DYSF: variants seen among roughly 807,000 people sequenced by gnomAD.
The protein encoded by DYSF is dystrophy-associated fer-1-like 1.
A neutral mutation model predicts 274.9 loss-of-function variants in DYSF; 212 were observed. The observed-to-expected ratio is 0.77, with a 90% CI of 0.69 to 0.86. The LOEUF (loss-of-function observed/expected upper bound fraction) is 0.86, where lower values mean the gene tolerates loss of function less well. DYSF is among the 40% of genes least tolerant of loss of function. The probability of loss-of-function intolerance (pLI) is 0.00; values close to 1 mark genes in which losing one functional copy is unlikely to be tolerated. For missense variants in DYSF, 2,666 were observed against 2,783.2 expected (o/e 0.96, Z 0.95); for synonymous variants, 1,091 against 1,078.7 (o/e 1.01, Z -0.22).
At chr2:71,655,290 T>C (rs746075994) in intron 42 of DYSF, among the ~76,000 whole-genome samples, 7 of 152,226 alleles carry the variant, frequency 4.6e-5, no homozygotes, top group Non-Finnish European at 7.3e-5. Context: ...TTTTCTAAAT[T>C]TTAATAATGA....
rs980581241 is a variant in DYSF, at chr2:71,466,815, G to A, written c.-28G>A. 6.7e-7 allele frequency: 1 copy of A among 1,499,512 alleles called. No homozygotes were observed. The highest frequency in any genetic ancestry group is 9.0e-7 in the Non-Finnish European group (1 of 1,110,812). The allele number at this position is 1,499,512 out of a possible 1,614,324, so 92.9% of individuals were successfully genotyped here. ...GCTCCCGCTCCCGCCCTGACTGCGC[G>A]CCTGTGTGCCGCCGGGGCTGCCCAG... On this transcript the variant is annotated 5_prime_UTR_variant, in exon 1 of 56. Coordinates refer to ENST00000410020, the MANE Select transcript of DYSF (RefSeq NM_001130987.2).
intron 1 of DYSF, among the ~76,000 whole-genome samples, chr2:71,473,188 G>C (rs900803199): frequency 6.6e-6 from 1 of 152,198 alleles, no homozygotes; most frequent in African/African-American, 2.4e-5. Flanking sequence ...GGCAGGGCAG[G>C]TGTCAGAATG....
intron 1 of DYSF, among the ~76,000 whole-genome samples, chr2:71,470,673 CAAAAAA>C (rs776955310): frequency 5.2e-5 from 3 of 57,704 alleles, no homozygotes; most frequent in Non-Finnish European, 8.7e-5. Context: ...GACTCCATCT[CAAAAAA>C]AAAAAAAAAA....
intron 22 of DYSF, among the ~76,000 whole-genome samples, chr2:71,560,647 G>A (rs207461848): frequency 2.0e-5 from 3 of 152,366 alleles, no homozygotes; most frequent in African/African-American, 7.2e-5. Context: ...AGTGCGCCGA[G>A]GGCCTGCCAG....
chr2:71,545,438 C>G (rs2090389987), intron 17 of DYSF, among the ~76,000 whole-genome samples: 4 of 152,172 alleles, frequency 2.6e-5, no homozygotes, highest in Admixed American at 2.6e-4. Context: ...CCTGCCCCAG[C>G]CCCTCCCTTC....
At chr2:71,511,236 A>C (rs1259872860) in intron 4 of DYSF, among the ~76,000 whole-genome samples, 2 of 152,206 alleles carry the variant, frequency 1.3e-5, no homozygotes, top group Non-Finnish European at 2.9e-5. Flanking sequence ...GGGGGCAGGA[A>C]GGAAGAGGGC....
intron 41 of DYSF, among the ~76,000 whole-genome samples, chr2:71,627,378 C>A (rs2094225795): frequency 6.6e-6 from 1 of 151,908 alleles, no homozygotes; most frequent in Non-Finnish European, 1.5e-5. Flanking sequence ...AAGTTACTAA[C>A]TTATATTTTA....
intron 1 of DYSF, among the ~76,000 whole-genome samples, chr2:71,477,065 G>A (rs2082449049): frequency 6.6e-6 from 1 of 152,108 alleles, no homozygotes; most frequent in Admixed American, 6.5e-5. Context: ...TACTGAAAGT[G>A]TTACTCCCCC....
exon 1 of DYSF, chr2:71,453,883 G>C: frequency 3.9e-6 from 4 of 1,031,896 alleles, no homozygotes; most frequent in Non-Finnish European, 6.0e-6. Flanking sequence ...GATTCGAGCC[G>C]GCCTCGCCCA....
chr2:71,589,708 C>T, intron 31 of DYSF, 22 bp downstream of exon 31: 2 of 1,599,342 alleles, frequency 1.3e-6, no homozygotes, highest in Non-Finnish European at 8.6e-7. Context: ...TTCGAGGCCT[C>T]TATGGGGTGA....
intron 22 of DYSF, among the ~76,000 whole-genome samples, chr2:71,556,425 A>G (rs1373817381): frequency 6.6e-6 from 1 of 152,092 alleles, no homozygotes; most frequent in African/African-American, 2.4e-5. Context: ...CCTCAAGGCC[A>G]TGTCGGGGAT....
intron 16 of DYSF, among the ~76,000 whole-genome samples, chr2:71,538,084 T>C (rs1447357009): frequency 2.0e-5 from 3 of 152,208 alleles, no homozygotes; most frequent in African/African-American, 7.2e-5. Flanking sequence ...TGGCCTCAAA[T>C]CCCAGCTTTG....
At chr2:71,500,790 C>T (rs1253057644) in intron 3 of DYSF, among the ~76,000 whole-genome samples, 1 of 152,098 alleles carries the variant, frequency 6.6e-6, no homozygotes, top group East Asian at 2.0e-4. Context: ...GGCCCTGCCT[C>T]CCAGTCCCCA....
chr2:71,494,791 T>C (rs1273612296), intron 3 of DYSF, among the ~76,000 whole-genome samples: 1 of 152,234 alleles, frequency 6.6e-6, no homozygotes, highest in African/African-American at 2.4e-5. Flanking sequence ...TAGACAGTGT[T>C]GGAGTGAGAC....
intron 3 of DYSF, among the ~76,000 whole-genome samples, chr2:71,498,471 C>T (rs1573532415): frequency 6.6e-6 from 1 of 152,316 alleles, no homozygotes; most frequent in Middle Eastern, 3.4e-3. Context: ...CTAGGTAGTG[C>T]CAGCAGGAAT....
rs143568054 is a variant in DYSF, at chr2:71,561,921, C to T, written c.2386C>T (p.Arg796Cys). The T allele has an allele frequency of 1.3e-4, 205 of 1,613,910 alleles. No individual in the cohort carries two copies. The highest frequency in any genetic ancestry group is 1.6e-4 in the Non-Finnish European group (186 of 1,179,982). Residue 796 changes from arginine to cysteine, a missense_variant, in exon 23 of 56, where the codon CGT becomes TGT. Physicochemically the swap from Arg to Cys is radical, Grantham distance 180. Transcript: ENST00000410020. ...GGAGCAGGCGGAGGACTGGCTCCTGCGTCTGCGTGCCCTGGCAGAGGAGGT... is the reference window on the plus strand; with the variant it reads ...GGAGCAGGCGGAGGACTGGCTCCTGTGTCTGCGTGCCCTGGCAGAGGAGGT... ...ALEQAEDWLL[R>C]LRALAEEPQN...
At chr2:71,535,209 AG>A (rs1410724939) in intron 15 of DYSF, 58 bp from the exon 16 acceptor site, 23 of 1,600,206 alleles carry the variant, frequency 1.4e-5, no homozygotes, top group Admixed American at 1.3e-4. Context: ...CGGGGTAGGG[AG>A]GGGCTGTTCT....
rs1313356434 is a variant in DYSF at position 71,615,968 on chromosome 2, C to T, written c.4464+2558C>T. Among the ~76,000 whole-genome samples the T allele has an allele frequency of 6.6e-6, 1 of 152,214 alleles. No individual in the cohort carries two copies. Among genetic ancestry groups the T allele is most frequent in the Non-Finnish European group, 1.5e-5 (1 of 68,038 alleles). On this transcript the variant is annotated intron_variant, in intron 40 of 55. Coordinates refer to ENST00000410020, the MANE Select transcript of DYSF (RefSeq NM_001130987.2). This position sits in a 1 kb window ranked among gnomAD's most constrained non-coding sequence, Gnocchi z 4.9. ...TAGGACCCCTCCTAGCTCAAACCTG[C>T]TCTTGCCAGAGTTACCCTTCCATCT...
rs528710192 is a variant in DYSF, at chr2:71,660,034, G to T, written c.4912-526G>T. 3.9e-5 allele frequency among the ~76,000 whole-genome samples: 6 copies of T among 152,356 alleles called. No homozygotes were observed. The East Asian group carries it at 1.2e-3, about 29-fold the overall frequency. On this transcript the variant is annotated intron_variant, in intron 44 of 55. Coordinates refer to ENST00000410020, the MANE Select transcript of DYSF (RefSeq NM_001130987.2). ...GGCCTCCAAGGTGTGGTCATGGCCA[G>T]TGGGTTGGTTTATATGCTTGAAGCC...
Sources: allele counts gnomAD v4.1 joint callset (sites outside exome capture counted in the v4.1 genomes callset), GRCh38; gene constraint gnomAD v4.1.1; non-coding constraint Gnocchi (gnomAD v3.1); transcripts MANE v1.5; gene names NCBI Gene and HGNC (gene_info 2026-07-23, HGNC 2026-07-21).